The following UBR2 variants were observed in gnomAD, a reference collection of about 807,000 sequenced individuals.
The protein encoded by UBR2 is ubiquitin protein ligase E3 component n-recognin 2.
UBR2 carries 92 observed loss-of-function variants against 247.9 expected under a neutral mutation model. The observed-to-expected ratio is 0.37, with a 90% CI of 0.31 to 0.44. The LOEUF (loss-of-function observed/expected upper bound fraction) is 0.44, where lower values mean the gene tolerates loss of function less well. Ranked by LOEUF, UBR2 falls within the 20% of genes least tolerant of loss-of-function variation. UBR2 has a pLI of 1.00. For synonymous variants in UBR2, 672 were observed against 693.5 expected (o/e 0.97, Z 0.49); for missense variants, 1,613 against 2,112.6 (o/e 0.76, Z 4.64).
intron 25 of UBR2, among the ~76,000 whole-genome samples, chr6:42,654,541 A>G (rs1797325087): frequency 6.6e-6 from 1 of 152,208 alleles, no homozygotes; most frequent in African/African-American, 2.4e-5. Context: ...CCTGTACAAC[A>G]TGGTAAAACC....
chr6:42,593,737 A>G (rs1792807367), intron 3 of UBR2, among the ~76,000 whole-genome samples: 1 of 152,204 alleles, frequency 6.6e-6, no homozygotes, highest in Admixed American at 6.5e-5. Flanking sequence ...AGAAAAATTA[A>G]CTATTTCTAT....
intron 4 of UBR2, among the ~76,000 whole-genome samples, chr6:42,597,970 G>A (rs924406410): frequency 2.6e-5 from 4 of 151,898 alleles, no homozygotes; most frequent in African/African-American, 7.3e-5. Flanking sequence ...ATAGCATTTT[G>A]TTTAACATAC....
intron 42 of UBR2, among the ~76,000 whole-genome samples, chr6:42,680,436 T>C (rs1193211119): frequency 1.3e-5 from 2 of 152,192 alleles, no homozygotes; most frequent in African/African-American, 4.8e-5. Context: ...CTCTCTTCCA[T>C]AGGTTTTTTC....
intron 46 of UBR2, among the ~76,000 whole-genome samples, chr6:42,690,270 T>G (rs1799680851): frequency 6.6e-6 from 1 of 152,194 alleles, no homozygotes; most frequent in African/African-American, 2.4e-5. Context: ...GTAGCAGATG[T>G]TAAAGGCCTA....
chr6:42,608,635 GAAAAAAC>G (rs1562305059), intron 7 of UBR2, among the ~76,000 whole-genome samples: 2 of 151,618 alleles, frequency 1.3e-5, no homozygotes, highest in Non-Finnish European at 2.9e-5. Flanking sequence ...GTGTTAAGAA[GAAAAAAC>G]AAAAAACAAA....
At position 42,652,004 on chromosome 6, in the gene UBR2, TA is replaced by T. The variant is rs753951085; in HGVS notation, c.2566-17del. On this transcript the variant is annotated intron_variant, in intron 23 of 46. Transcript: ENST00000372901. ...GGGCATTACTAATTCCCGGTCCAAA[TA>T]ACTTTATTTTTTATTAGGCAGAAGA... 7.6e-6 allele frequency: 12 copies of T among 1,580,482 alleles called. No individual in the cohort carries two copies. The highest frequency in any genetic ancestry group is 1.0e-5 in the Non-Finnish European group (12 of 1,168,308).
At chr6:42,581,312 C>T (rs2151909218) in intron 2 of UBR2, among the ~76,000 whole-genome samples, 1 of 152,186 alleles carries the variant, frequency 6.6e-6, no homozygotes, top group East Asian at 1.9e-4. Flanking sequence ...ACCTCAGCCT[C>T]CTGAGTAGCT....
intron 4 of UBR2, among the ~76,000 whole-genome samples, chr6:42,602,075 G>A (rs1793416064): frequency 6.6e-6 from 1 of 151,276 alleles, no homozygotes; most frequent in Non-Finnish European, 1.5e-5. Flanking sequence ...CACCACATTG[G>A]CCAGGCTGGT....
At chr6:42,570,391 C>G (rs966247137) in intron 1 of UBR2, among the ~76,000 whole-genome samples, 1 of 152,102 alleles carries the variant, frequency 6.6e-6, no homozygotes, top group African/African-American at 2.4e-5. Context: ...CACCACCACT[C>G]CTGGCTAATT....
chr6:42,654,051 T>A (rs1051337330), intron 25 of UBR2, among the ~76,000 whole-genome samples: 1 of 152,184 alleles, frequency 6.6e-6, no homozygotes, highest in African/African-American at 2.4e-5. Flanking sequence ...TTGAAAGCAG[T>A]AAAACCAGGA....
chr6:42,629,935 G>A (rs138595163), intron 11 of UBR2, among the ~76,000 whole-genome samples: 1,607 of 152,056 alleles, frequency 0.011, 12 homozygotes, highest in Non-Finnish European at 0.015. Context: ...TGGGGTTTTC[G>A]TTTGTTTTTA....
At chr6:42,566,456 C>T (rs551598007) in intron 1 of UBR2, among the ~76,000 whole-genome samples, 1 of 152,318 alleles carries the variant, frequency 6.6e-6, no homozygotes, top group Non-Finnish European at 1.5e-5. Flanking sequence ...GCAATCTTGG[C>T]TTACTGCAAC....
rs1333994782 is a variant in UBR2, at chr6:42,692,414, T to TAGAACAAGAGCCACTTACA, written c.*1243_*1261dup. ...CATTGTTCTTACTGAGGTGCCTTCC[T>TAGAACAAGAGCCACTTACA]AGAACAAGAGCCACTTACAAAATAG... is the stretch of plus-strand genomic sequence containing the variant. On this transcript the variant is annotated 3_prime_UTR_variant, in exon 47 of 47. Transcript: ENST00000372901. 8 of 152,210 alleles carry TAGAACAAGAGCCACTTACA rather than the reference T, an allele frequency of 5.3e-5. No individual in the cohort carries two copies. Among genetic ancestry groups the TAGAACAAGAGCCACTTACA allele is most frequent in the African/African-American group, 1.7e-4 (7 of 41,460 alleles). 9.4% of individuals were successfully genotyped at this position (152,210 alleles called of 1,614,324 possible). A position where few individuals can be genotyped will look rare whatever the true frequency, so the allele number is the denominator to read the frequency against.
chr6:42,589,235 C>T (rs1363542875), intron 2 of UBR2, among the ~76,000 whole-genome samples: 1 of 152,182 alleles, frequency 6.6e-6, no homozygotes, highest in Non-Finnish European at 1.5e-5. Context: ...TCCCAAAGTG[C>T]TGGGATTACA....
At chr6:42,611,003 G>A (rs549570899) in intron 7 of UBR2, among the ~76,000 whole-genome samples, 2 of 151,380 alleles carry the variant, frequency 1.3e-5, no homozygotes, top group African/African-American at 4.8e-5. Flanking sequence ...GCTCCACCAC[G>A]CTCGGCTAAT....
chr6:42,615,920 A>G, intron 9 of UBR2, 82 bp from the exon 10 acceptor site: 1 of 1,074,604 alleles, frequency 9.3e-7, no homozygotes. Flanking sequence ...AAACAAAAAA[A>G]ACCCACTGTG....
At chr6:42,667,740 A>T (rs1582693145) in intron 34 of UBR2, among the ~76,000 whole-genome samples, 1 of 112,112 alleles carries the variant, frequency 8.9e-6, no homozygotes. Flanking sequence ...CAGTAGATCT[A>T]TCCAATGTCT....
chr6:42,645,582 C>T lies in UBR2; in HGVS notation c.2401C>T (p.Pro801Ser). Residue 801 changes from proline (P) to serine (S), a missense_variant, in exon 21 of 47, where the codon CCT (proline) becomes TCT (serine). By Grantham distance (74) the Pro-to-Ser change is moderately conservative. This residue lies in a region of UBR2 where 1,524 missense variants were observed against 1,967.3 expected (regional missense o/e 0.77). Coordinates refer to ENST00000372901, the MANE Select transcript of UBR2 (RefSeq NM_001363705.2). ...MAHSELVKSL[P>S]EDENKETGME... ...TCATAGTGAATTGGTAAAGTCTTTA[C>T]CTGAAGATGTAAGTACCTACATTTC... 6.2e-7 allele frequency: 1 copy of T among 1,612,782 alleles called. No homozygotes were observed.
chr6:42,617,202 A>C (rs773689461), intron 10 of UBR2: 1 of 1,582,526 alleles, frequency 6.3e-7, no homozygotes, highest in East Asian at 2.2e-5. Context: ...ACATTTGGTC[A>C]TTGTGGATTA....
Sources: allele counts gnomAD v4.1 joint callset (sites outside exome capture counted in the v4.1 genomes callset), GRCh38; gene constraint gnomAD v4.1.1; regional missense constraint gnomAD v4.1.1; transcripts MANE v1.5; gene names NCBI Gene and HGNC (gene_info 2026-07-23, HGNC 2026-07-21).